Variants in CYP3A43 observed in about 807,000 individuals in gnomAD.
The protein encoded by CYP3A43 is cytochrome P450 family 3 subfamily A member 43, also known as cytochrome P450 3A43.
A neutral mutation model predicts 58.0 loss-of-function variants in CYP3A43; 45 were observed. That is an observed-to-expected ratio of 0.78 (90% CI 0.61 to 0.99). CYP3A43 has a LOEUF of 0.99. Ranked by LOEUF, CYP3A43 falls within the 50% of genes least tolerant of loss-of-function variation. The pLI, the probability that CYP3A43 is intolerant of heterozygous loss-of-function variation, is 0.00. For synonymous variants in CYP3A43, 191 were observed against 201.4 expected (o/e 0.95, Z 0.44); for missense variants, 593 against 591.9 (o/e 1.00, Z -0.02).
At chr7:99,839,565 T>C in intron 3 of CYP3A43, 2 of 409,570 alleles carry the variant, frequency 4.9e-6, no homozygotes, top group South Asian at 3.7e-5. Flanking sequence ...AATAGCAATG[T>C]GGCATCACTC....
chr7:99,828,852 T>A (rs894218608), intron 1 of CYP3A43, among the ~76,000 whole-genome samples: 4 of 152,204 alleles, frequency 2.6e-5, no homozygotes, highest in Admixed American at 2.0e-4. Flanking sequence ...AATGCAATTG[T>A]CTTGAGCCTC....
chr7:99,848,295 C>G, intron 6 of CYP3A43, 41 bp downstream of exon 6: 3 of 1,589,546 alleles, frequency 1.9e-6, no homozygotes, highest in Non-Finnish European at 2.6e-6. Context: ...GTCATGAGCC[C>G]CTCCAGCTGC....
chr7:99,831,353 T>C (rs75702674), intron 1 of CYP3A43, among the ~76,000 whole-genome samples: 3,473 of 152,372 alleles, frequency 0.023, 56 homozygotes, highest in Middle Eastern at 0.031. Flanking sequence ...ACTTATGCTA[T>C]GTAGCACAGT....
intron 7 of CYP3A43, among the ~76,000 whole-genome samples, chr7:99,855,005 C>A (rs1817916935): frequency 6.6e-6 from 1 of 151,958 alleles, no homozygotes. Context: ...ATGACTGGGT[C>A]CCAAGTAGCT....
At chr7:99,838,512 GACA>G in intron 2 of CYP3A43, among the ~76,000 whole-genome samples, 1 of 152,324 alleles carries the variant, frequency 6.6e-6, no homozygotes, top group Admixed American at 6.5e-5. Flanking sequence ...AGATTGCAGA[GACA>G]ACATATGCAG....
In CYP3A43 at chr7:99,856,409, C is replaced by A. The variant is rs562034720; in HGVS notation, c.799-424C>A. The stretch of plus-strand genomic sequence containing the variant: ...GGAGTATTTGAAGATGCATTCAAAT[C>A]AGCTCCCCTGGGATTATCCAGAGAT... On this transcript the variant is annotated intron_variant, in intron 8 of 12. Transcript: ENST00000354829. Among the ~76,000 whole-genome samples the A allele has an allele frequency of 4.6e-5, 7 of 152,328 alleles. 1 individual carries two copies. The South Asian group carries it at 1.5e-3, about 32-fold the overall frequency.
chr7:99,836,492 A>G lies in CYP3A43; in HGVS notation c.111A>G (p.Gly37=). 6.2e-7 allele frequency: 1 copy of G among 1,610,662 alleles called. No homozygotes were observed. The highest frequency in any genetic ancestry group is 8.5e-7 in the Non-Finnish European group (1 of 1,179,212). ...CACATAAACTTTTTAAGAAGCTGGG[A>G]ATTCCTGGGCCAACCCCTCTGCCTT... ...THSHKLFKKL[G]IPGPTPLPFL... is the part of the protein sequence containing the mutation. The change falls in exon 2 of 13, where the codon GGA becomes GGG. Residue 37 remains glycine (G), a synonymous_variant. Transcript: ENST00000354829.
intron 7 of CYP3A43, 144 bp downstream of exon 7, chr7:99,849,838 T>C: frequency 1.2e-6 from 1 of 867,316 alleles, no homozygotes; most frequent in Non-Finnish European, 1.7e-6. Context: ...CATTTAAAGA[T>C]ATGCACAACC....
At chr7:99,861,123 C>G (rs1386443990) in intron 10 of CYP3A43, among the ~76,000 whole-genome samples, 3 of 152,232 alleles carry the variant, frequency 2.0e-5, no homozygotes, top group African/African-American at 7.2e-5. Context: ...ATCCACCCAC[C>G]TTGGCCTCCC....
chr7:99,854,871 C>T (rs1817910406), intron 7 of CYP3A43, among the ~76,000 whole-genome samples: 1 of 151,920 alleles, frequency 6.6e-6, no homozygotes, highest in Non-Finnish European at 1.5e-5. Flanking sequence ...TTCCAATTCT[C>T]TTTTCTCTCT....
intron 1 of CYP3A43, among the ~76,000 whole-genome samples, chr7:99,829,690 A>G (rs1816766822): frequency 6.6e-6 from 1 of 152,178 alleles, no homozygotes; most frequent in African/African-American, 2.4e-5. Context: ...CTGCTAAATG[A>G]TTAACTTTTG....
chr7:99,856,612 G>C (rs2151619663), intron 8 of CYP3A43, among the ~76,000 whole-genome samples: 1 of 152,316 alleles, frequency 6.6e-6, no homozygotes, highest in South Asian at 2.1e-4. Context: ...CTAAAAAGCA[G>C]ATAGACATGA....
At chr7:99,846,543 A>G (rs1817548681) in intron 4 of CYP3A43, among the ~76,000 whole-genome samples, 1 of 152,062 alleles carries the variant, frequency 6.6e-6, no homozygotes, top group African/African-American at 2.4e-5. Flanking sequence ...AGGCCCTTCT[A>G]TTTCTTGCCG....
chr7:99,839,376 TG>T (rs1268177305), intron 3 of CYP3A43: 2 of 718,040 alleles, frequency 2.8e-6, no homozygotes, highest in East Asian at 5.4e-5. Context: ...GGAAACTCCA[TG>T]CATATTCAGT....
chr7:99,836,641 C>A, intron 2 of CYP3A43, 95 bp downstream of exon 2: 4 of 869,810 alleles, frequency 4.6e-6, no homozygotes, highest in Non-Finnish European at 7.1e-6. Context: ...GAGGAATTTC[C>A]AATGTTTTAC....
At chr7:99,848,031 C>T (rs546664088) in intron 5 of CYP3A43, 135 bp from the exon 6 acceptor site, 60 of 838,030 alleles carry the variant, frequency 7.2e-5, no homozygotes, top group African/African-American at 4.3e-4. Flanking sequence ...GGGCAGGGGG[C>T]GGTCTTTTCT....
intron 7 of CYP3A43, 199 bp from the exon 8 acceptor site, chr7:99,855,392 T>G: frequency 1.8e-6 from 1 of 562,322 alleles, no homozygotes; most frequent in Non-Finnish European, 3.0e-6. Context: ...GGCCCCTATG[T>G]GTGGATCTGC....
chr7:99,854,678 A>T (rs1476965644), intron 7 of CYP3A43, among the ~76,000 whole-genome samples: 1 of 152,072 alleles, frequency 6.6e-6, no homozygotes, highest in Non-Finnish European at 1.5e-5. Context: ...ATTTGAGATT[A>T]TCTGACATTC....
chr7:99,846,145 A>G (rs953178157), intron 4 of CYP3A43, among the ~76,000 whole-genome samples: 1 of 152,210 alleles, frequency 6.6e-6, no homozygotes, highest in Admixed American at 6.5e-5. Context: ...TGAGATTTTG[A>G]TAAGTATTGA....
Sources: allele counts gnomAD v4.1 joint callset (sites outside exome capture counted in the v4.1 genomes callset), GRCh38; gene constraint gnomAD v4.1.1; transcripts MANE v1.5; gene names NCBI Gene and HGNC (gene_info 2026-07-23, HGNC 2026-07-21).